Variants in ANKRD55 observed in about 807,000 individuals in gnomAD.
ANKRD55 encodes ankyrin repeat domain 55.
ANKRD55 carries 41 observed loss-of-function variants against 60.6 expected under a neutral mutation model. The observed-to-expected ratio is 0.68, with a 90% CI of 0.53 to 0.88. The LOEUF (loss-of-function observed/expected upper bound fraction) is 0.88, where lower values mean the gene tolerates loss of function less well. Among genes scored for constraint, ANKRD55 ranks in the 40% least tolerant of loss-of-function variants. The pLI is 0.00. For missense variants in ANKRD55, 732 were observed against 767.6 expected (o/e 0.95, Z 0.55); for synonymous variants, 264 against 290.3 (o/e 0.91, Z 0.92).
intron 11 of ANKRD55, 35 bp downstream of exon 11, chr5:56,102,459 T>A: frequency 1.4e-6 from 2 of 1,443,942 alleles, no homozygotes; most frequent in African/African-American, 1.4e-5. Context: ...TGTTAACACT[T>A]GCAAAGGAAG....
intron 2 of ANKRD55, among the ~76,000 whole-genome samples, chr5:56,230,916 T>C (rs917554540): frequency 6.6e-6 from 1 of 152,204 alleles, no homozygotes; most frequent in African/African-American, 2.4e-5. Flanking sequence ...TAATAACAGC[T>C]GCAGCCAAAA....
At chr5:56,227,957 C>A (rs938343633) in intron 2 of ANKRD55, among the ~76,000 whole-genome samples, 1 of 152,180 alleles carries the variant, frequency 6.6e-6, no homozygotes, top group Non-Finnish European at 1.5e-5. Flanking sequence ...CCCGCTTCCC[C>A]CACCTCTTAC....
chr5:56,233,209 A>G, intron 1 of ANKRD55, 32 bp downstream of exon 1: 1 of 364,966 alleles, frequency 2.7e-6, no homozygotes, highest in East Asian at 5.0e-5. Context: ...CTCAAACTCC[A>G]AAAAGATAGT....
intron 2 of ANKRD55, among the ~76,000 whole-genome samples, chr5:56,190,856 G>A (rs1037217941): frequency 6.6e-6 from 1 of 152,188 alleles, no homozygotes; most frequent in African/African-American, 2.4e-5. Flanking sequence ...ATTCATCAGA[G>A]CAGAGCCCTC....
chr5:56,105,432 C>T (rs555578540), intron 10 of ANKRD55, among the ~76,000 whole-genome samples: 3 of 152,226 alleles, frequency 2.0e-5, no homozygotes, highest in Non-Finnish European at 2.9e-5. Context: ...AGCCATATTT[C>T]CTACAGAGAT....
intron 2 of ANKRD55, among the ~76,000 whole-genome samples, chr5:56,194,798 GC>G (rs1283923829): frequency 6.6e-6 from 1 of 152,172 alleles, no homozygotes. Flanking sequence ...ATTTGAGGAT[GC>G]TTTTCTTGTA....
At chr5:56,137,747 A>G (rs1379757235) in intron 7 of ANKRD55, among the ~76,000 whole-genome samples, 1 of 152,152 alleles carries the variant, frequency 6.6e-6, no homozygotes, top group East Asian at 1.9e-4. Flanking sequence ...GATAAGCCCC[A>G]ACCTAGAAGA....
At chr5:56,119,738 A>G (rs1756982378) in intron 8 of ANKRD55, among the ~76,000 whole-genome samples, 1 of 151,142 alleles carries the variant, frequency 6.6e-6, no homozygotes, top group Non-Finnish European at 1.5e-5. Context: ...ACATGGCAAA[A>G]CCCAGTCTCT....
At chr5:56,205,256 T>C (rs1220494229) in intron 2 of ANKRD55, among the ~76,000 whole-genome samples, 1 of 152,166 alleles carries the variant, frequency 6.6e-6, no homozygotes, top group Non-Finnish European at 1.5e-5. Context: ...AGATGGGGTT[T>C]CACCATATTG....
intron 6 of ANKRD55, among the ~76,000 whole-genome samples, chr5:56,150,021 T>C (rs892669712): frequency 3.3e-5 from 5 of 152,108 alleles, no homozygotes; most frequent in Admixed American, 1.3e-4. Context: ...TTTGTATTTT[T>C]AGTAGAGATG....
intron 7 of ANKRD55, among the ~76,000 whole-genome samples, chr5:56,130,870 A>T (rs570139160): frequency 2.8e-4 from 42 of 152,338 alleles, no homozygotes; most frequent in African/African-American, 1.0e-3. Flanking sequence ...TTATCAGTAG[A>T]TTGGACACAG....
chr5:56,203,810 C>G (rs1428119080), intron 2 of ANKRD55, among the ~76,000 whole-genome samples: 1 of 152,158 alleles, frequency 6.6e-6, no homozygotes, highest in African/African-American at 2.4e-5. Flanking sequence ...GTGCATGTGT[C>G]TTTATAGCAG....
At chr5:56,226,145 T>G (rs1210937365) in intron 2 of ANKRD55, among the ~76,000 whole-genome samples, 1 of 152,062 alleles carries the variant, frequency 6.6e-6, no homozygotes, top group Admixed American at 6.5e-5. Context: ...TATAGACCAA[T>G]AGAACAGAAC....
intron 2 of ANKRD55, among the ~76,000 whole-genome samples, chr5:56,225,953 A>T (rs1760100287): frequency 6.6e-6 from 1 of 152,228 alleles, no homozygotes; most frequent in South Asian, 2.1e-4. Flanking sequence ...GCTACCAATG[A>T]CTTTCTTCAC....
intron 2 of ANKRD55, among the ~76,000 whole-genome samples, chr5:56,207,910 A>C (rs912252211): frequency 1.3e-5 from 2 of 152,192 alleles, no homozygotes; most frequent in Non-Finnish European, 2.9e-5. Flanking sequence ...TAACATTTTT[A>C]CTCTATTAAC....
At chr5:56,199,911 G>A (rs991854227) in intron 2 of ANKRD55, among the ~76,000 whole-genome samples, 2 of 151,174 alleles carry the variant, frequency 1.3e-5, no homozygotes, top group South Asian at 2.1e-4. Flanking sequence ...AAAAGAGGCC[G>A]AGGTGAGAGG....
chr5:56,209,997 A>G (rs1759621408), intron 2 of ANKRD55, among the ~76,000 whole-genome samples: 1 of 152,030 alleles, frequency 6.6e-6, no homozygotes, highest in Non-Finnish European at 1.5e-5. Flanking sequence ...ATTATTTTCA[A>G]TGGTCATTTT....
chr5:56,205,285 T>A (rs1450942225), intron 2 of ANKRD55, among the ~76,000 whole-genome samples: 1 of 152,200 alleles, frequency 6.6e-6, no homozygotes, highest in Non-Finnish European at 1.5e-5. Context: ...GGTCTTGAAC[T>A]CTTGACCTCA....
At chr5:56,176,399 T>A in intron 3 of ANKRD55, 117 bp from the exon 4 acceptor site, 1 of 1,174,754 alleles carries the variant, frequency 8.5e-7, no homozygotes, top group South Asian at 1.4e-5. Flanking sequence ...GCTGTTTGTA[T>A]GGGACTGAAG....
Sources: gnomAD v4.1 joint callset for allele counts (sites outside exome capture counted in the v4.1 genomes callset) on GRCh38, gnomAD v4.1.1 for gene constraint, MANE v1.5 for transcripts, NCBI Gene and HGNC (gene_info 2026-07-23, HGNC 2026-07-21) for gene names.